The following UBXN4 variants were observed in gnomAD, a reference collection of about 807,000 sequenced individuals.
UBXN4 encodes the protein UBX domain-containing protein 4.
A neutral mutation model predicts 66.2 loss-of-function variants in UBXN4; 35 were observed. The observed-to-expected ratio is 0.53, with a 90% confidence interval of 0.40 to 0.70. UBXN4 has a LOEUF of 0.70. UBXN4 is among the 30% of genes least tolerant of loss of function. UBXN4 has a pLI of 0.00. For synonymous variants in UBXN4, 203 were observed against 204.5 expected (o/e 0.99, Z 0.06); for missense variants, 533 against 599.8 (o/e 0.89, Z 1.16).
At chr2:135,758,978 C>T (rs550908554) in intron 5 of UBXN4, among the ~76,000 whole-genome samples, 10 of 152,212 alleles carry the variant, frequency 6.6e-5, no homozygotes, top group African/African-American at 2.2e-4. Flanking sequence ...AGGCTGGCCT[C>T]GAACTCCTGA....
In UBXN4 at chr2:135,753,667, T is replaced by G. The variant is rs181054124; in HGVS notation, c.214+100T>G. 1.7e-3 allele frequency: 1,751 copies of G among 1,056,552 alleles called. 6 individuals are homozygous for G. Among genetic ancestry groups the G allele is most frequent in the Middle Eastern group, 3.2e-3 (11 of 3,404 alleles). The allele number at this position is 1,056,552 out of a possible 1,614,324, so 65.4% of individuals were successfully genotyped here. A position where few individuals can be genotyped will look rare whatever the true frequency, so the allele number is the denominator to read the frequency against. On this transcript the variant is annotated intron_variant, in intron 3 of 12. Transcript: ENST00000272638. ...AAATTATTCATTTTTATTTAGGAAA[T>G]CATACATTCTTTTTTATGGAAACTT...
At position 135,757,785 on chromosome 2, in the gene UBXN4, AT is replaced by A. The variant is rs112696573; in HGVS notation, c.508+2109del. Among the ~76,000 whole-genome samples the A allele has an allele frequency of 7.3e-3, 1,055 of 143,538 alleles. 7 individuals are homozygous for A. The highest frequency in any genetic ancestry group is 0.018 in the African/African-American group (725 of 39,366). 94.2% of individuals were successfully genotyped at this position (143,538 alleles called of 152,430 possible). On this transcript the variant is annotated intron_variant, in intron 5 of 12. Coordinates refer to ENST00000272638, the MANE Select transcript of UBXN4 (RefSeq NM_014607.4). ...TCAGTTTTTTTTTAGCTTAAAAAAA[AT>A]TTTTTTTTTTTTTTGGTCAGGTGTG...
At chr2:135,773,805 A>T (rs1434094640) in intron 9 of UBXN4, among the ~76,000 whole-genome samples, 1 of 152,260 alleles carries the variant, frequency 6.6e-6, no homozygotes, top group Non-Finnish European at 1.5e-5. Context: ...TTTTCCAAAA[A>T]TAATGAAGTA....
At chr2:135,746,573 A>G (rs1195551542) in intron 1 of UBXN4, among the ~76,000 whole-genome samples, 1 of 152,190 alleles carries the variant, frequency 6.6e-6, no homozygotes, top group Non-Finnish European at 1.5e-5. Context: ...GTGGGTGATT[A>G]AGTATCAGCT....
Position 135,754,241 on chromosome 2 carries a change from A to G in UBXN4, c.297A>G (p.Ala99=). ...PLEVIAGSVS[A]DELVTRIHKV... The stretch of plus-strand genomic sequence containing the variant: ...AAGTAATAGCAGGAAGTGTTTCTGC[A>G]GATGAACTTGTTACAAGAATTCACA... The change falls in exon 4 of 13, where the codon GCA becomes GCG. Residue 99 remains alanine (A), a synonymous_variant. Transcript: ENST00000272638. 3.1e-6 allele frequency: 5 copies of G among 1,614,148 alleles called. No homozygotes were observed. In the South Asian group the frequency reaches 4.4e-5, roughly 14 times the overall value.
At position 135,762,625 on chromosome 2, in the gene UBXN4, G is replaced by A. The variant is rs372929585; in HGVS notation, c.602+714G>A. On this transcript the variant is annotated intron_variant, in intron 6 of 12. Transcript: ENST00000272638. Reference sequence around the variant, plus strand: ...AAGTGATTGCTGATATTGTCTTTGAGTTTGCTTGTGACTCAGTAAAGATCA... The same window carrying A: ...AAGTGATTGCTGATATTGTCTTTGAATTTGCTTGTGACTCAGTAAAGATCA... Among the ~76,000 whole-genome samples, 77 of 152,122 alleles carry A rather than the reference G, an allele frequency of 5.1e-4. 2 individuals carry two copies. In the South Asian group the frequency reaches 0.016, roughly 31 times the overall value.
chr2:135,756,654 T>C (rs961620990), intron 5 of UBXN4, among the ~76,000 whole-genome samples: 1 of 152,188 alleles, frequency 6.6e-6, no homozygotes, highest in Non-Finnish European at 1.5e-5. Context: ...TTTAATTGTA[T>C]TTACCTGGAT....
intron 9 of UBXN4, among the ~76,000 whole-genome samples, chr2:135,775,794 TCTCG>T (rs1455583222): frequency 3.3e-4 from 50 of 152,314 alleles, no homozygotes; most frequent in African/African-American, 1.1e-3. Flanking sequence ...TGAGATGGAG[TCTCG>T]CTCTATTGCC....
chr2:135,747,802 G>GTAGA (rs2077218504), intron 1 of UBXN4: 1 of 400,952 alleles, frequency 2.5e-6, no homozygotes, highest in Non-Finnish European at 5.0e-6. Context: ...ACCTGGCTAA[G>GTAGA]TAGAGATGGG....
At chr2:135,759,895 A>G (rs1446324403) in intron 5 of UBXN4, among the ~76,000 whole-genome samples, 5 of 149,730 alleles carry the variant, frequency 3.3e-5, no homozygotes, top group East Asian at 2.0e-4. Context: ...CAGCCTTCCA[A>G]GTAGCCGGGA....
chr2:135,750,254 A>G (rs1351575157), intron 2 of UBXN4, among the ~76,000 whole-genome samples: 1 of 152,216 alleles, frequency 6.6e-6, no homozygotes, highest in Admixed American at 6.5e-5. Flanking sequence ...AGTTACAGGC[A>G]TGCTTCACTG....
chr2:135,782,947 A>T lies in UBXN4; in HGVS notation c.*60A>T. 6.5e-7 allele frequency: 1 copy of T among 1,541,550 alleles called. No individual in the cohort carries two copies. The highest frequency in any genetic ancestry group is 1.2e-5 in the South Asian group (1 of 81,988). ...TCTCTTATGATTTAATTCAACTAAAATTCTACTGGAGAAGTGGGACTGCTT... is the reference window on the plus strand; with the variant it reads ...TCTCTTATGATTTAATTCAACTAAATTTCTACTGGAGAAGTGGGACTGCTT... On this transcript the variant is annotated 3_prime_UTR_variant, in exon 13 of 13. Transcript: ENST00000272638.
In UBXN4 at chr2:135,755,485, A is replaced by G. The variant is rs1199144068; in HGVS notation, c.334-32A>G. 9 of 1,493,754 alleles carry G rather than the reference A, an allele frequency of 6.0e-6. No individual in the cohort carries two copies. In the East Asian group the frequency reaches 7.6e-5, roughly 13 times the overall value. 92.5% of individuals were successfully genotyped at this position (1,493,754 alleles called of 1,614,324 possible). ...CCATGGTAAGTTTAGATTCTTATCT[A>G]TTAATTAAAATCCAATTTATTTTCT... On this transcript the variant is annotated intron_variant, in intron 4 of 12. Coordinates refer to ENST00000272638, the MANE Select transcript of UBXN4 (RefSeq NM_014607.4).
In UBXN4 at chr2:135,770,693, A is replaced by C. The variant is rs748759954; in HGVS notation, c.780A>C (p.Glu260Asp). The change falls in exon 8 of 13, where the codon GAA (glutamate) becomes GAC (aspartate). Residue 260 changes from glutamate (E) to aspartate (D), a missense_variant. Around this residue, in one of 2 missense-constraint regions of UBXN4, gnomAD observed 529 missense variants for 580.1 expected, o/e 0.91. Coordinates refer to ENST00000272638, the MANE Select transcript of UBXN4 (RefSeq NM_014607.4). Reference protein sequence around the residue: ...MLEERNREKAEDRAARERIKQ... With the variant: ...MLEERNREKADDRAARERIKQ... ...AGGAAAGAAACAGAGAGAAAGCAGA[A>C]GATAGGGCAGCTCGAGAACGTATAA... is the stretch of plus-strand genomic sequence containing the variant. 8.3e-6 allele frequency: 13 copies of C among 1,568,300 alleles called. No homozygotes were observed. Among genetic ancestry groups the C allele is most frequent in the Middle Eastern group, 1.7e-4 (1 of 5,850 alleles).
In UBXN4 at chr2:135,780,195, A is replaced by C. The variant is rs1397494548; in HGVS notation, c.1198A>C (p.Thr400Pro). ...SVVLLPAGRP[T>P]ASIVHSSSGD... ...TATTAATTTCTAGGCAGGAAGACCA[A>C]CTGCATCCATTGTACACTCTTCCAG... is the stretch of plus-strand genomic sequence containing the variant. Residue 400 changes from threonine (T) to proline (P), a missense_variant, in exon 12 of 13, where the codon ACT (threonine) becomes CCT (proline). Thr to Pro is a conservative substitution (Grantham distance 38). Around this residue, in one of 2 missense-constraint regions of UBXN4, gnomAD observed 529 missense variants for 580.1 expected, o/e 0.91. Transcript: ENST00000272638. 1 of 1,614,066 alleles carries C rather than the reference A, an allele frequency of 6.2e-7. No individual in the cohort carries two copies. The highest frequency in any genetic ancestry group is 1.7e-5 in the Admixed American group (1 of 60,014).
chr2:135,772,534 G>T lies in UBXN4; in HGVS notation c.937G>T (p.Ala313Ser). 6.2e-7 allele frequency: 1 copy of T among 1,613,686 alleles called. No individual in the cohort carries two copies. The highest frequency in any genetic ancestry group is 8.5e-7 in the Non-Finnish European group (1 of 1,179,728). The change falls in exon 9 of 13, where the codon GCA becomes TCA. Residue 313 changes from alanine (A) to serine (S), a missense_variant. Transcript: ENST00000272638. ...AEMEVKRESYARERSTVARIQ... is the reference protein window; with the variant it reads ...AEMEVKRESYSRERSTVARIQ... ...AATGGAAGTCAAGAGGGAATCTTATGCAAGAGAAAGAAGGTACTATATTTC... is the reference window on the plus strand; with the variant it reads ...AATGGAAGTCAAGAGGGAATCTTATTCAAGAGAAAGAAGGTACTATATTTC...
intron 11 of UBXN4, 32 bp from the exon 12 acceptor site, chr2:135,780,151 G>A: frequency 2.5e-6 from 4 of 1,608,142 alleles, no homozygotes; most frequent in Non-Finnish European, 3.4e-6. Context: ...TGCTAACGTA[G>A]TCTTTATCTA....
At chr2:135,755,394 A>G (rs1271883066) in intron 4 of UBXN4, 123 bp from the exon 5 acceptor site, 3 of 688,304 alleles carry the variant, frequency 4.4e-6, no homozygotes, top group Non-Finnish European at 6.2e-6. Context: ...GGATTCATCT[A>G]TTTATGAGCA....
chr2:135,769,810 A>G lies in UBXN4; in HGVS notation c.644A>G (p.Lys215Arg). 2 of 1,600,074 alleles carry G rather than the reference A, an allele frequency of 1.2e-6. No homozygotes were observed. The highest frequency in any genetic ancestry group is 1.7e-6 in the Non-Finnish European group (2 of 1,175,676). The change falls in exon 7 of 13, where the codon AAA (lysine) becomes AGA (arginine). Residue 215 changes from lysine to arginine, a missense_variant. Transcript: ENST00000272638. ...KLEERREEKR[K>R]EEEQREIKKE... ...GAAGAAAGGAGAGAAGAGAAAAGAA[A>G]AGAGGAAGAACAGGTAAAGTTCATG...
Sources: gnomAD v4.1 joint callset for allele counts (sites outside exome capture counted in the v4.1 genomes callset) on GRCh38, gnomAD v4.1.1 for gene constraint, gnomAD v4.1.1 regional missense constraint, MANE v1.5 for transcripts, NCBI Gene and HGNC (gene_info 2026-07-23, HGNC 2026-07-21) for gene names.